Variants in PCDHGA5 observed in about 807,000 individuals in gnomAD.
PCDHGA5 encodes protocadherin gamma subfamily A, 5.
In PCDHGA5, 36 loss-of-function variants were observed where a neutral mutation model predicts 56.7. That is an observed-to-expected ratio of 0.64 (90% CI 0.49 to 0.84). The LOEUF (loss-of-function observed/expected upper bound fraction) is 0.84. Among genes scored for constraint, PCDHGA5 ranks in the 40% least tolerant of loss-of-function variants. The pLI, the probability that PCDHGA5 is intolerant of heterozygous loss-of-function variation, is 0.00. For synonymous variants in PCDHGA5, 563 were observed against 520.2 expected, an observed-to-expected ratio of 1.08 and a Z score of -1.12; for missense variants, 1,305 against 1,201.5, an observed-to-expected ratio of 1.09 and a Z score of -1.27.
At chr5:141,420,211 T>C (rs759486952) in intron 1 of PCDHGA5, 11 of 1,612,388 alleles carry the variant, frequency 6.8e-6, no homozygotes, top group African/African-American at 1.3e-5. Context: ...TCAACAAAGA[T>C]AGCATGCTAC....
At chr5:141,371,887 C>T (rs372336757) in intron 1 of PCDHGA5, 2 of 1,613,424 alleles carry the variant, frequency 1.2e-6, no homozygotes, top group African/African-American at 1.3e-5. Flanking sequence ...GACCTGGAGC[C>T]GCGGGAGCTG....
chr5:141,399,744 C>G (rs544697703), intron 1 of PCDHGA5: 1 of 1,613,320 alleles, frequency 6.2e-7, no homozygotes, highest in African/African-American at 1.3e-5. Context: ...CTGCGCTCAG[C>G]GCAAACGTGA....
chr5:141,394,361 G>T (rs2092984834), intron 1 of PCDHGA5: 2 of 1,614,190 alleles, frequency 1.2e-6, no homozygotes, highest in Non-Finnish European at 1.7e-6. Context: ...TCCTGTATGC[G>T]CTGCAATCTT....
At chr5:141,478,821 A>G (rs72790063) in intron 1 of PCDHGA5, 38,524 of 1,444,166 alleles carry the variant, frequency 0.027, 650 homozygotes, top group East Asian at 0.045. Flanking sequence ...CAACTAACCA[A>G]TCTTGCTAAG....
intron 1 of PCDHGA5, chr5:141,385,343 T>C: frequency 1.3e-6 from 2 of 1,568,526 alleles, no homozygotes; most frequent in Non-Finnish European, 1.7e-6. Flanking sequence ...GCCCTTCCTT[T>C]ATTTCCATGA....
chr5:141,430,613 A>T, intron 1 of PCDHGA5: 1 of 679,628 alleles, frequency 1.5e-6, no homozygotes, highest in Admixed American at 3.0e-5. Context: ...CACAAAGCAG[A>T]TAGCTAGGAA....
chr5:141,404,289 A>G (rs552765425), intron 1 of PCDHGA5: 15 of 1,614,006 alleles, frequency 9.3e-6, no homozygotes, highest in East Asian at 4.5e-5. Flanking sequence ...ACTGACATCA[A>G]TGATAATCCA....
intron 1 of PCDHGA5, among the ~76,000 whole-genome samples, chr5:141,469,642 A>G (rs1339074059): frequency 2.0e-5 from 3 of 152,244 alleles, no homozygotes; most frequent in Admixed American, 6.5e-5. Flanking sequence ...AAATATTTTG[A>G]TGACATAATT....
rs1326296096 is a variant in PCDHGA5, at chr5:141,505,460, A to G, written c.2548A>G (p.Met850Val). The change falls in exon 3 of 4, where the codon ATG becomes GTG. Residue 850 changes from methionine to valine, a missense_variant. Transcript: ENST00000518069. Reference protein sequence around the residue: ...NQFDTEMLQAMILASASEAAD... With the variant: ...NQFDTEMLQAVILASASEAAD... ...GTTTGACACAGAGATGCTGCAAGCC[A>G]TGATCTTGGCGTCCGCCAGTGGTAA... 2 of 1,614,070 alleles carry G rather than the reference A, an allele frequency of 1.2e-6. No homozygotes were observed. The highest frequency in any genetic ancestry group is 1.3e-5 in the African/African-American group (1 of 74,942).
rs753717509 is a variant in PCDHGA5, at chr5:141,365,395, G to T, written c.1065G>T (p.Ser355=). ...TGATCCTCACCTCTCTGACCAGTTC[G>T]ATCTCTGAAGACTGTCTTCCCGGAA... The part of the protein sequence containing the change: ...PEVILTSLTS[S]ISEDCLPGTV... The change falls in exon 1 of 4, where the codon TCG becomes TCT. Residue 355 remains serine, a synonymous_variant. Coordinates refer to ENST00000518069, the MANE Select transcript of PCDHGA5 (RefSeq NM_018918.3). 9 of 1,613,978 alleles carry T rather than the reference G, an allele frequency of 5.6e-6. No homozygotes were observed. Among genetic ancestry groups the T allele is most frequent in the Non-Finnish European group, 7.6e-6 (9 of 1,179,896 alleles).
At chr5:141,462,036 G>T (rs760555655) in intron 1 of PCDHGA5, among the ~76,000 whole-genome samples, 6 of 151,978 alleles carry the variant, frequency 3.9e-5, no homozygotes, top group Non-Finnish European at 8.8e-5. Flanking sequence ...TTGGTCAGGC[G>T]GGTCTTGAAC....
At chr5:141,473,808 C>G (rs1562041705) in intron 1 of PCDHGA5, among the ~76,000 whole-genome samples, 1 of 152,198 alleles carries the variant, frequency 6.6e-6, no homozygotes, top group Non-Finnish European at 1.5e-5. Flanking sequence ...TACTGAGGAG[C>G]AGCTGGACAA....
chr5:141,396,902 A>C (rs2093450439), intron 1 of PCDHGA5, among the ~76,000 whole-genome samples: 1 of 152,234 alleles, frequency 6.6e-6, no homozygotes, highest in African/African-American at 2.4e-5. Context: ...TATTATTGGC[A>C]CTTTGCAATT....
At position 141,511,319 on chromosome 5, in the gene PCDHGA5, C is replaced by T. The variant is rs2099883711; in HGVS notation, c.*146C>T. On this transcript the variant is annotated 3_prime_UTR_variant, in exon 4 of 4. Coordinates refer to ENST00000518069, the MANE Select transcript of PCDHGA5 (RefSeq NM_018918.3). ...CCATGCTCCCCTTGGGAAACAGAAA[C>T]AAGTGCCCAGTCAGCACCTACCCCT... 1.4e-6 allele frequency: 2 copies of T among 1,477,302 alleles called. No homozygotes were observed. The highest frequency in any genetic ancestry group is 1.4e-5 in the African/African-American group (1 of 70,920). 91.5% of individuals were successfully genotyped at this position (1,477,302 alleles called of 1,614,324 possible).
intron 1 of PCDHGA5, chr5:141,388,238 C>G (rs546808390): frequency 3.7e-6 from 6 of 1,607,696 alleles, no homozygotes; most frequent in Non-Finnish European, 5.1e-6. Context: ...ACTTTTATCA[C>G]GTGAATGTGG....
chr5:141,460,455 A>AT (rs2098989699), intron 1 of PCDHGA5, among the ~76,000 whole-genome samples: 1 of 152,080 alleles, frequency 6.6e-6, no homozygotes, highest in Non-Finnish European at 1.5e-5. Flanking sequence ...GAAGATTCAT[A>AT]TTTTTTTCCA....
At chr5:141,398,942 G>A (rs748252181) in intron 1 of PCDHGA5, 2 of 1,613,884 alleles carry the variant, frequency 1.2e-6, no homozygotes, top group South Asian at 1.1e-5. Context: ...CAAGACGAGG[G>A]CATCAACTCA....
chr5:141,390,000 A>G, intron 1 of PCDHGA5: 2 of 1,613,856 alleles, frequency 1.2e-6, no homozygotes, highest in Non-Finnish European at 1.7e-6. Flanking sequence ...CGTGGCCATG[A>G]TTCTGGCCAT....
chr5:141,415,419 C>A, intron 1 of PCDHGA5: 1 of 1,614,196 alleles, frequency 6.2e-7, no homozygotes, highest in East Asian at 2.2e-5. Context: ...TGGGCGTGGA[C>A]GGGGTTCGGG....
Sources: allele counts gnomAD v4.1 joint callset (sites outside exome capture counted in the v4.1 genomes callset), GRCh38; gene constraint gnomAD v4.1.1; transcripts MANE v1.5; gene names NCBI Gene and HGNC (gene_info 2026-07-23, HGNC 2026-07-21).